The following CCDC14 variants were observed in gnomAD, a reference collection of about 807,000 sequenced individuals.
CCDC14 encodes the protein coiled-coil domain containing 14, also known as coiled-coil domain-containing protein 14.
A neutral mutation model predicts 81.4 loss-of-function variants in CCDC14; 71 were observed. The ratio of observed to expected loss-of-function variants is 0.87; its 90% CI spans 0.72 to 1.06. CCDC14 has a LOEUF of 1.06. Ranked by LOEUF, CCDC14 falls within the 50% of genes least tolerant of loss-of-function variation. CCDC14 has a pLI of 0.00. For missense variants in CCDC14, 1,046 were observed against 1,047.3 expected (o/e 1.00, Z 0.02); for synonymous variants, 332 against 364.8 (o/e 0.91, Z 1.03).
intron 8 of CCDC14, among the ~76,000 whole-genome samples, chr3:123,945,246 A>AT (rs1011846838): frequency 4.9e-4 from 72 of 148,212 alleles, no homozygotes; most frequent in Middle Eastern, 3.4e-3. Context: ...TACATAAGTG[A>AT]TTTTTTTTTT....
intron 5 of CCDC14, among the ~76,000 whole-genome samples, chr3:123,899,445 G>T (rs946031428): frequency 7.2e-5 from 11 of 152,172 alleles, no homozygotes; most frequent in African/African-American, 2.7e-4. Flanking sequence ...TTCATGTCCA[G>T]TATTGCCCTC....
At chr3:123,943,236 A>G (rs994374995) in intron 9 of CCDC14, among the ~76,000 whole-genome samples, 1 of 152,080 alleles carries the variant, frequency 6.6e-6, no homozygotes, top group African/African-American at 2.4e-5. Context: ...AACCAAAAAC[A>G]TACCTTTTAT....
chr3:123,929,144 C>G lies in CCDC14; in HGVS notation c.1778+1958G>C, dbSNP rs149173385. On this transcript the variant is annotated intron_variant, in intron 12 of 12. Coordinates refer to ENST00000409697, the MANE Select transcript of CCDC14 (RefSeq NM_001366335.1). ...TTCTGCTTGGGGCTAAGAGTTGCCC[C>G]TTAGAATGAAGCAGATGCTCATAGT... Among the ~76,000 whole-genome samples the G allele has an allele frequency of 2.6e-3, 393 of 152,210 alleles. 2 individuals carry two copies. Among genetic ancestry groups the G allele is most frequent in the African/African-American group, 9.2e-3 (382 of 41,530 alleles).
chr3:123,940,047 A>T (rs945626270), intron 9 of CCDC14, among the ~76,000 whole-genome samples: 17 of 151,680 alleles, frequency 1.1e-4, no homozygotes, highest in Admixed American at 4.6e-4. Context: ...AAAAATAAAA[A>T]TTTTTTAAAG....
rs756018919 is a variant in CCDC14, at chr3:123,914,843, G to C, written c.2654C>G (p.Ala885Gly). The part of the protein sequence containing the change: ...RDEQDFRNGL[A>G]ALDANIARLQ... ...TCTAGCTATGTTGGCATCTAATGCC[G>C]CAAGGCCATTTCTGAAGTCTTGTTC... Residue 885 changes from alanine (A) to glycine (G), a missense_variant, in exon 13 of 13, where the codon GCG becomes GGG. Coordinates refer to ENST00000409697, the MANE Select transcript of CCDC14 (RefSeq NM_001366335.1). 1.2e-6 allele frequency: 2 copies of C among 1,604,766 alleles called. No homozygotes were observed. Among genetic ancestry groups the C allele is most frequent in the Non-Finnish European group, 1.7e-6 (2 of 1,175,312 alleles).
rs757465978 is a variant in CCDC14, at chr3:123,955,952, T to C, written c.243A>G (p.Ala81=). The change falls in exon 5 of 13, where the codon GCA becomes GCG. Residue 81 remains alanine, a synonymous_variant. Transcript: ENST00000409697. ...LRNEDSGSET[A]YLENRSNSRP... Reference sequence around the variant, plus strand: ...TAGAATTAGATCTGTTTTCTAAATATGCTGTTTCTGAACCTATTAATAAAA... The same window carrying C: ...TAGAATTAGATCTGTTTTCTAAATACGCTGTTTCTGAACCTATTAATAAAA... The C allele has an allele frequency of 3.1e-5, 48 of 1,529,282 alleles. No homozygotes were observed. The highest frequency in any genetic ancestry group is 1.7e-4 in the Middle Eastern group (1 of 5,904). 94.7% of individuals were successfully genotyped at this position (1,529,282 alleles called of 1,614,324 possible). A position where few individuals can be genotyped will look rare whatever the true frequency, so the allele number is the denominator to read the frequency against.
At chr3:123,933,484 A>C (rs1290358595) in intron 10 of CCDC14, 189 bp downstream of exon 10, 1 of 566,452 alleles carries the variant, frequency 1.8e-6, no homozygotes, top group Non-Finnish European at 3.1e-6. Flanking sequence ...AAGGAAACAC[A>C]CTCCTGTATT....
chr3:123,918,341 T>A (rs973289390), intron 12 of CCDC14, among the ~76,000 whole-genome samples: 6 of 152,226 alleles, frequency 3.9e-5, no homozygotes, highest in African/African-American at 7.2e-5. Flanking sequence ...TTTTAAAAAA[T>A]GCCTCTTTCT....
intron 9 of CCDC14, among the ~76,000 whole-genome samples, chr3:123,936,060 G>C (rs1008996994): frequency 6.6e-6 from 1 of 151,904 alleles, no homozygotes; most frequent in African/African-American, 2.4e-5. Context: ...TGTATCTGCA[G>C]TTTCTCCCTC....
In CCDC14 at chr3:123,915,563, T is replaced by C. The variant is rs543895784; in HGVS notation, c.1934A>G (p.Tyr645Cys). The change falls in exon 13 of 13, where the codon TAT (tyrosine) becomes TGT (cysteine). Residue 645 changes from tyrosine (Y) to cysteine (C), a missense_variant. Tyr to Cys is a radical substitution (Grantham distance 194). Coordinates refer to ENST00000409697, the MANE Select transcript of CCDC14 (RefSeq NM_001366335.1). ...PAPAHTSIMS[Y>C]LNKLETNYSF... ...GTAATTTGTTTCTAACTTATTTAGATAGCTCATTATGGAAGTGTGAGCAGG... is the reference window on the plus strand; with the variant it reads ...GTAATTTGTTTCTAACTTATTTAGACAGCTCATTATGGAAGTGTGAGCAGG... The C allele has an allele frequency of 2.5e-5, 40 of 1,614,052 alleles. 1 individual carries two copies. The South Asian group carries it at 3.6e-4, about 15-fold the overall frequency.
chr3:123,930,264 T>C (rs1456857986), intron 12 of CCDC14, among the ~76,000 whole-genome samples: 3 of 152,240 alleles, frequency 2.0e-5, no homozygotes, highest in African/African-American at 7.2e-5. Flanking sequence ...TACAAGTTTA[T>C]CATTCAAAAT....
intron 1 of CCDC14, chr3:123,958,031 T>C (rs1397412802): frequency 6.6e-6 from 1 of 152,118 alleles, no homozygotes; most frequent in Non-Finnish European, 1.5e-5. Context: ...TGAGAATACA[T>C]TTTTTAAAAA....
At chr3:123,907,099 A>G (rs1330416404) in intron 5 of CCDC14, among the ~76,000 whole-genome samples, 2 of 152,168 alleles carry the variant, frequency 1.3e-5, no homozygotes, top group Non-Finnish European at 2.9e-5. Context: ...TTTTCCTGAT[A>G]AGTGGTTTTA....
chr3:123,890,271 G>A, the CCDC14 span, among the ~76,000 whole-genome samples: 105 of 152,184 alleles, frequency 6.9e-4, no homozygotes, highest in African/African-American at 2.4e-3. Context: ...ATTCTGCCCC[G>A]GCATCTCCCA....
chr3:123,936,332 G>C (rs2036053240), intron 9 of CCDC14, among the ~76,000 whole-genome samples: 1 of 151,930 alleles, frequency 6.6e-6, no homozygotes. Context: ...AAAAGGAAAA[G>C]AACTGCTGCT....
At chr3:123,902,853 C>T (rs924022537) in intron 5 of CCDC14, among the ~76,000 whole-genome samples, 2 of 151,848 alleles carry the variant, frequency 1.3e-5, no homozygotes, top group Admixed American at 6.6e-5. Flanking sequence ...GCTGAACATG[C>T]AGGTTTGTTA....
chr3:123,914,107 ACTT>A lies in CCDC14; in HGVS notation c.*669_*671del. Reference sequence around the variant, plus strand: ...CCCCAACTATAGCTTATCTGTTAGCACTTCTTTATCAGTCTGACTATTCTTTAA... The same window carrying A: ...CCCCAACTATAGCTTATCTGTTAGCACTTTATCAGTCTGACTATTCTTTAA... On this transcript the variant is annotated 3_prime_UTR_variant, in exon 13 of 13. Transcript: ENST00000409697. 1 of 985,782 alleles carries A rather than the reference ACTT, an allele frequency of 1.0e-6. No individual in the cohort carries two copies. The allele number at this position is 985,782 out of a possible 1,614,324, so 61.1% of individuals were successfully genotyped here. A position where few individuals can be genotyped will look rare whatever the true frequency, so the allele number is the denominator to read the frequency against.
At chr3:123,942,404 T>C (rs898801438) in intron 9 of CCDC14, among the ~76,000 whole-genome samples, 7 of 152,090 alleles carry the variant, frequency 4.6e-5, no homozygotes, top group South Asian at 2.1e-4. Context: ...ATGCTGGTAA[T>C]AGGAATTCCT....
rs1301100321 is a variant in CCDC14 at position 123,931,455 on chromosome 3, G to C, written c.1498C>G (p.Leu500Val). Reference protein sequence around the residue: ...LEESLKSQELLQSKNEELLKV... With the variant: ...LEESLKSQELVQSKNEELLKV... ...AACAGCTCTTCATTTTTACTCTGCA[G>C]TAATTCCTGGCTCTTTAGTGACTCC... is the stretch of plus-strand genomic sequence containing the variant. The change falls in exon 11 of 13, where the codon CTG (leucine) becomes GTG (valine). Residue 500 changes from leucine (L) to valine (V), a missense_variant. Physicochemically the swap from Leu to Val is conservative, Grantham distance 32 (BLOSUM62 1). Transcript: ENST00000409697. The C allele has an allele frequency of 6.3e-7, 1 of 1,575,580 alleles. No individual in the cohort carries two copies. The highest frequency in any genetic ancestry group is 2.3e-5 in the East Asian group (1 of 43,740).
Sources: gnomAD v4.1 joint callset for allele counts (sites outside exome capture counted in the v4.1 genomes callset) on GRCh38, gnomAD v4.1.1 for gene constraint, MANE v1.5 for transcripts, NCBI Gene and HGNC (gene_info 2026-07-23, HGNC 2026-07-21) for gene names.